Variants in OR4K17 observed in about 807,000 individuals in gnomAD.
OR4K17 encodes the protein olfactory receptor family 4 subfamily K member 17.
For synonymous variants in OR4K17, 157 were observed against 132.8 expected (o/e 1.18, Z -1.25); for missense variants, 480 against 366.3 (o/e 1.31, Z -2.53).
At chr14:20,114,337 T>G (rs1877942107) in intron 1 of OR4K17, among the ~76,000 whole-genome samples, 1 of 152,028 alleles carries the variant, frequency 6.6e-6, no homozygotes, top group African/African-American at 2.4e-5. Flanking sequence ...CCTTCTCCTC[T>G]TCCCAGGAAA....
chr14:20,110,943 C>CA (rs1159229720), intron 1 of OR4K17, 51 bp downstream of exon 1: 2 of 152,002 alleles, frequency 1.3e-5, no homozygotes, highest in Non-Finnish European at 2.9e-5. Flanking sequence ...TTGCCTGTCA[C>CA]AGTTCACACA....
chr14:20,112,731 C>T (rs141389554), intron 1 of OR4K17, among the ~76,000 whole-genome samples: 5 of 152,046 alleles, frequency 3.3e-5, no homozygotes, highest in East Asian at 3.9e-4. Context: ...AGGTGAGACA[C>T]GGCAGGCAGG....
In OR4K17 at chr14:20,117,827, G is replaced by T. The variant is rs777273147; in HGVS notation, c.328G>T (p.Val110Phe). ...QIFLLHLLGG[V>F]EMVLLVSMAF... ...ATTTCTCCTTCACTTACTGGGTGGGGTTGAAATGGTACTGTTGGTCTCCAT... is the reference window on the plus strand; with the variant it reads ...ATTTCTCCTTCACTTACTGGGTGGGTTTGAAATGGTACTGTTGGTCTCCAT... Residue 110 changes from valine (V) to phenylalanine (F), a missense_variant, in exon 2 of 2, where the codon GTT (valine) becomes TTT (phenylalanine). Coordinates refer to ENST00000641386, the MANE Select transcript of OR4K17 (RefSeq NM_001004715.5). 1.5e-5 allele frequency: 25 copies of T among 1,614,106 alleles called. No individual in the cohort carries two copies. Among genetic ancestry groups the T allele is most frequent in the Non-Finnish European group, 2.0e-5 (24 of 1,180,018 alleles).
At position 20,118,117 on chromosome 14, in the gene OR4K17, C is replaced by G. The variant is rs752623738; in HGVS notation, c.618C>G (p.Ile206Met). The G allele has an allele frequency of 1.4e-5, 22 of 1,613,872 alleles. No homozygotes were observed. The highest frequency in any genetic ancestry group is 6.7e-5 in the Admixed American group (4 of 59,992). Residue 206 changes from isoleucine to methionine, a missense_variant, in exon 2 of 2, where the codon ATC (isoleucine) becomes ATG (methionine). By Grantham distance (10) the Ile-to-Met change is conservative (BLOSUM62 1). Coordinates refer to ENST00000641386, the MANE Select transcript of OR4K17 (RefSeq NM_001004715.5). ...QVVIVANSGI[I>M]SLSCFIILLI... ...TCATTGTTGCCAACAGTGGCATAAT[C>G]TCCCTGAGCTGTTTCATTATTTTGC...
In OR4K17 at chr14:20,119,175, T is replaced by A. The variant is rs1204430895; in HGVS notation, c.*737T>A. Reference sequence around the variant, plus strand: ...TCTGTTCCACCCAGCTCCCAGGCAGTCAGACCTAATGGTTATCTCTCTTGT... The same window carrying A: ...TCTGTTCCACCCAGCTCCCAGGCAGACAGACCTAATGGTTATCTCTCTTGT... On this transcript the variant is annotated 3_prime_UTR_variant, in exon 2 of 2. Coordinates refer to ENST00000641386, the MANE Select transcript of OR4K17 (RefSeq NM_001004715.5). The A allele has an allele frequency of 6.6e-6, 1 of 152,230 alleles. No homozygotes were observed. Among genetic ancestry groups the A allele is most frequent in the Non-Finnish European group, 1.5e-5 (1 of 68,050 alleles). 9.4% of individuals were successfully genotyped at this position (152,230 alleles called of 1,614,324 possible). A position where few individuals can be genotyped will look rare whatever the true frequency, so the allele number is the denominator to read the frequency against.
At position 20,118,041 on chromosome 14, in the gene OR4K17, T is replaced by C. The variant is rs779577805; in HGVS notation, c.542T>C (p.Leu181Pro). The C allele has an allele frequency of 1.9e-6, 3 of 1,614,190 alleles. No individual in the cohort carries two copies. The highest frequency in any genetic ancestry group is 4.5e-5 in the East Asian group (2 of 44,880). The stretch of plus-strand genomic sequence containing the variant: ...GTGGTAGACAGCATTTTTTGTGACC[T>C]CCCTTTGGTTACTAAGCTTGCCTGT... ...PNVVDSIFCD[L>P]PLVTKLACID... The change falls in exon 2 of 2, where the codon CTC (leucine) becomes CCC (proline). Residue 181 changes from leucine to proline, a missense_variant. Transcript: ENST00000641386.
chr14:20,120,387 C>A lies in OR4K17; in HGVS notation c.*1949C>A, dbSNP rs540392848. On this transcript the variant is annotated 3_prime_UTR_variant, in exon 2 of 2. Coordinates refer to ENST00000641386, the MANE Select transcript of OR4K17 (RefSeq NM_001004715.5). ...TTAATATTATAAAATCTCACTTTCA[C>A]CTCCTTGTCCCCATGTATTTCAATT... 1 of 152,116 alleles carries A rather than the reference C, an allele frequency of 6.6e-6. No homozygotes were observed. Among genetic ancestry groups the A allele is most frequent in the Non-Finnish European group, 1.5e-5 (1 of 68,028 alleles). The allele number at this position is 152,116 out of a possible 1,614,324, so 9.4% of individuals were successfully genotyped here. A position where few individuals can be genotyped will look rare whatever the true frequency, so the allele number is the denominator to read the frequency against.
Position 20,110,833 on chromosome 14 carries a change from G to A in OR4K17, c.-92G>A, listed in dbSNP as rs371861181. 28 of 151,878 alleles carry A rather than the reference G, an allele frequency of 1.8e-4. No individual in the cohort carries two copies. The highest frequency in any genetic ancestry group is 6.5e-4 in the African/African-American group (27 of 41,362). 9.4% of individuals were successfully genotyped at this position (151,878 alleles called of 1,614,324 possible). On this transcript the variant is annotated 5_prime_UTR_variant, in exon 1 of 2. It adds an upstream start codon to the 5' untranslated region. Coordinates refer to ENST00000641386, the MANE Select transcript of OR4K17 (RefSeq NM_001004715.5). ...TTCTATGGAACTATAAGTTGAGAAGGTGCATGCCCTTCTCGATATTGTCCC... is the reference window on the plus strand; with the variant it reads ...TTCTATGGAACTATAAGTTGAGAAGATGCATGCCCTTCTCGATATTGTCCC...
At chr14:20,116,231 T>G (rs1376571344) in intron 1 of OR4K17, among the ~76,000 whole-genome samples, 2 of 152,136 alleles carry the variant, frequency 1.3e-5, no homozygotes, top group Non-Finnish European at 2.9e-5. Flanking sequence ...ACATTGTAAC[T>G]CACAGAAGCA....
rs1215133176 is a variant in OR4K17, at chr14:20,118,999, A to T, written c.*561A>T. ...GAGACTGGGGCTTATTTCATCCCTT[A>T]TCTACAGCCGTGTAAGACAGACATT... On this transcript the variant is annotated 3_prime_UTR_variant, in exon 2 of 2. Coordinates refer to ENST00000641386, the MANE Select transcript of OR4K17 (RefSeq NM_001004715.5). 6.6e-6 allele frequency: 1 copy of T among 152,472 alleles called. No homozygotes were observed. Among genetic ancestry groups the T allele is most frequent in the Non-Finnish European group, 1.5e-5 (1 of 68,282 alleles). The allele number at this position is 152,472 out of a possible 1,614,324, so 9.4% of individuals were successfully genotyped here.
Position 20,121,806 on chromosome 14 carries a change from A to G in OR4K17, c.*3368A>G, listed in dbSNP as rs529069064. On this transcript the variant is annotated 3_prime_UTR_variant, in exon 2 of 2. Coordinates refer to ENST00000641386, the MANE Select transcript of OR4K17 (RefSeq NM_001004715.5). ...GCACAGTCAGTTTTCTGGCATATCC[A>G]TAGGTTTTACATTCACAGACTCAAT... 9.8e-4 allele frequency: 149 copies of G among 152,214 alleles called. 1 individual carries two copies. The highest frequency in any genetic ancestry group is 3.5e-3 in the African/African-American group (145 of 41,576). The allele number at this position is 152,214 out of a possible 1,614,324, so 9.4% of individuals were successfully genotyped here. A position where few individuals can be genotyped will look rare whatever the true frequency, so the allele number is the denominator to read the frequency against.
rs1263029534 is a variant in OR4K17, at chr14:20,120,925, T to G, written c.*2487T>G. ...CTAGCCACCAAAGACCACAACAATT[T>G]TTGTCACCACTTCAAACATCTACAT... On this transcript the variant is annotated 3_prime_UTR_variant, in exon 2 of 2. Coordinates refer to ENST00000641386, the MANE Select transcript of OR4K17 (RefSeq NM_001004715.5). The G allele has an allele frequency of 6.6e-6, 1 of 152,196 alleles. No individual in the cohort carries two copies. The highest frequency in any genetic ancestry group is 1.5e-5 in the Non-Finnish European group (1 of 68,058). 9.4% of individuals were successfully genotyped at this position (152,196 alleles called of 1,614,324 possible). A position where few individuals can be genotyped will look rare whatever the true frequency, so the allele number is the denominator to read the frequency against.
In OR4K17 at chr14:20,115,709, G is replaced by C. The variant is rs117997793; in HGVS notation, c.-32-1759G>C. On this transcript the variant is annotated intron_variant, in intron 1 of 1. Coordinates refer to ENST00000641386, the MANE Select transcript of OR4K17 (RefSeq NM_001004715.5). ...ATACATAGTAAATAAATATATTAGG[G>C]CTTAAAGTTAATGTTAACTATATTA... Among the ~76,000 whole-genome samples, 664 of 152,026 alleles carry C rather than the reference G, an allele frequency of 4.4e-3. 4 individuals are homozygous for C. Among genetic ancestry groups the C allele is most frequent in the Admixed American group, 7.7e-3 (118 of 15,248 alleles).
chr14:20,117,625 C>T lies in OR4K17; in HGVS notation c.126C>T (p.Asn42=), dbSNP rs558231474. ...TCTATGTGGTCACAGTTTTGGGTAA[C>T]CTTCTTATTATAGTCACAGTGTTTA... ...SVIYVVTVLG[N]LLIIVTVFNT... Residue 42 remains asparagine, a synonymous_variant, in exon 2 of 2, where the codon AAC becomes AAT. Transcript: ENST00000641386. 6.2e-7 allele frequency: 1 copy of T among 1,613,788 alleles called. No homozygotes were observed. Among genetic ancestry groups the T allele is most frequent in the Admixed American group, 1.7e-5 (1 of 59,976 alleles).
At chr14:20,113,233 T>C (rs746655011) in intron 1 of OR4K17, among the ~76,000 whole-genome samples, 18 of 152,080 alleles carry the variant, frequency 1.2e-4, no homozygotes, top group Non-Finnish European at 2.4e-4. Flanking sequence ...AATCAATGTC[T>C]AAGTGTGATA....
intron 1 of OR4K17, among the ~76,000 whole-genome samples, chr14:20,115,073 A>G (rs926814121): frequency 6.6e-6 from 1 of 152,100 alleles, no homozygotes; most frequent in Non-Finnish European, 1.5e-5. Flanking sequence ...AGTCTTGGGC[A>G]TATTATTCAC....
At position 20,120,584 on chromosome 14, in the gene OR4K17, A is replaced by C. The variant is rs1427880949; in HGVS notation, c.*2146A>C. ...TCAGAGCCACTGCAACTCTGCACTT[A>C]CCCATACTTCCGTCACAAGGTCCCC... On this transcript the variant is annotated 3_prime_UTR_variant, in exon 2 of 2. Coordinates refer to ENST00000641386, the MANE Select transcript of OR4K17 (RefSeq NM_001004715.5). 1 of 152,232 alleles carries C rather than the reference A, an allele frequency of 6.6e-6. No homozygotes were observed. The highest frequency in any genetic ancestry group is 1.5e-5 in the Non-Finnish European group (1 of 68,088). The allele number at this position is 152,232 out of a possible 1,614,324, so 9.4% of individuals were successfully genotyped here. A position where few individuals can be genotyped will look rare whatever the true frequency, so the allele number is the denominator to read the frequency against.
At position 20,121,017 on chromosome 14, in the gene OR4K17, A is replaced by T. The variant is rs1158263369; in HGVS notation, c.*2579A>T. On this transcript the variant is annotated 3_prime_UTR_variant, in exon 2 of 2. Coordinates refer to ENST00000641386, the MANE Select transcript of OR4K17 (RefSeq NM_001004715.5). ...CCTCAGCTGGAGGAGCTACACAAAC[A>T]CGACACTGCTGCACCTTCACAATAG... 1 of 152,258 alleles carries T rather than the reference A, an allele frequency of 6.6e-6. No homozygotes were observed. Among genetic ancestry groups the T allele is most frequent in the South Asian group, 2.1e-4 (1 of 4,830 alleles). 9.4% of individuals were successfully genotyped at this position (152,258 alleles called of 1,614,324 possible).
chr14:20,117,299 A>G (rs1878015433), intron 1 of OR4K17, 169 bp from the exon 2 acceptor site: 7 of 733,178 alleles, frequency 9.5e-6, no homozygotes, highest in Non-Finnish European at 1.5e-5. Context: ...ATGGAAGTGG[A>G]CAGCTCAGAC....
Sources: gnomAD v4.1 joint callset for allele counts (sites outside exome capture counted in the v4.1 genomes callset) on GRCh38, gnomAD v4.1.1 for gene constraint, MANE v1.5 for transcripts, NCBI Gene and HGNC (gene_info 2026-07-23, HGNC 2026-07-21) for gene names.